Variants in WNK2 observed in about 807,000 individuals in gnomAD.
The protein encoded by WNK2 is serine/threonine-protein kinase WNK2.
A neutral mutation model predicts 192.1 loss-of-function variants in WNK2; 67 were observed. The ratio of observed to expected loss-of-function variants is 0.35; its 90% CI spans 0.29 to 0.43. The LOEUF (loss-of-function observed/expected upper bound fraction) is 0.43. Among genes scored for constraint, WNK2 ranks in the 20% least tolerant of loss-of-function variants. The pLI, the probability that WNK2 is intolerant of heterozygous loss-of-function variation, is 1.00. For missense variants in WNK2, 2,698 were observed against 3,089.7 expected (o/e 0.87, Z 3.01); for synonymous variants, 1,439 against 1,393.9 (o/e 1.03, Z -0.72).
intron 2 of WNK2, among the ~76,000 whole-genome samples, chr9:93,228,488 G>A (rs775770979): frequency 6.6e-6 from 1 of 152,140 alleles, no homozygotes; most frequent in Admixed American, 6.5e-5. Context: ...GTTTAGTTAT[G>A]TTTCTGGTTT....
rs1841962273 is a variant in WNK2 at position 93,247,675 on chromosome 9, G to A, written c.1675G>A (p.Gly559Ser). The stretch of plus-strand genomic sequence containing the variant: ...GCAGCCCAAGGAGCAGCAGGATGTG[G>A]GCAGCCCGGACAAGGCCAGGGGTCC... ...ALQPKEQQDV[G>S]SPDKARGPPV... Residue 559 changes from glycine (G) to serine (S), a missense_variant, in exon 8 of 30, where the codon GGC becomes AGC. Coordinates refer to ENST00000427277, the MANE Select transcript of WNK2 (RefSeq NM_006648.4). This position sits in a 1 kb window ranked among gnomAD's most constrained non-coding sequence, Gnocchi z 5.2. 1.3e-6 allele frequency: 2 copies of A among 1,576,094 alleles called. No individual in the cohort carries two copies. Among genetic ancestry groups the A allele is most frequent in the Non-Finnish European group, 1.7e-6 (2 of 1,161,150 alleles).
chr9:93,200,952 T>G (rs1460602912), intron 2 of WNK2, among the ~76,000 whole-genome samples: 1 of 152,112 alleles, frequency 6.6e-6, no homozygotes. Context: ...GATCTTAAGA[T>G]AGAAAGGGAC....
Position 93,257,274 on chromosome 9 carries a change from GGGGCTGGGCTGGGGAGTCC to G in WNK2, c.2382+145_2382+163del, listed in dbSNP as rs1409165206. 3.1e-6 allele frequency: 3 copies of G among 968,706 alleles called. No individual in the cohort carries two copies. The highest frequency in any genetic ancestry group is 4.5e-6 in the Non-Finnish European group (3 of 667,728). 60.0% of individuals were successfully genotyped at this position (968,706 alleles called of 1,614,324 possible). A position where few individuals can be genotyped will look rare whatever the true frequency, so the allele number is the denominator to read the frequency against. ...CTGGGGTTGGGCTGGCCAGGGAGTT[GGGGCTGGGCTGGGGAGTCC>G]GGGCTGGGCAGTGTGCACAGTCATA... On this transcript the variant is annotated intron_variant, in intron 11 of 29. Coordinates refer to ENST00000427277, the MANE Select transcript of WNK2 (RefSeq NM_006648.4). This position sits in a 1 kb window ranked among gnomAD's most constrained non-coding sequence, Gnocchi z 4.7.
intron 7 of WNK2, among the ~76,000 whole-genome samples, chr9:93,244,645 C>A (rs926101111): frequency 3.9e-5 from 6 of 152,108 alleles, no homozygotes; most frequent in Admixed American, 1.3e-4. Context: ...TGGGGCCACG[C>A]CCTGGATATG....
rs371738304 is a variant in WNK2, at chr9:93,268,685, C to T, written c.3972C>T (p.Pro1324=). The T allele has an allele frequency of 2.9e-5, 47 of 1,613,528 alleles. No individual in the cohort carries two copies. The highest frequency in any genetic ancestry group is 3.3e-4 in the Middle Eastern group (2 of 6,058). Residue 1324 remains proline, a synonymous_variant, in exon 19 of 30, where the codon CCC becomes CCT. Transcript: ENST00000427277. ...IICPVAEHPA[P]EAPESSPPLP... is the part of the protein sequence containing the mutation. ...GTCCGGTGGCTGAGCACCCCGCCCC[C>T]GAGGCCCCTGAATCTTCGCCCCCAC...
intron 7 of WNK2, among the ~76,000 whole-genome samples, chr9:93,241,596 G>A (rs1050915360): frequency 2.6e-5 from 4 of 152,026 alleles, no homozygotes; most frequent in Non-Finnish European, 4.4e-5. Flanking sequence ...AGGTGGGAGG[G>A]GCGGCTGCTC....
intron 7 of WNK2, among the ~76,000 whole-genome samples, chr9:93,243,253 C>T (rs1441451718): frequency 6.6e-6 from 1 of 152,220 alleles, no homozygotes; most frequent in Non-Finnish European, 1.5e-5. Context: ...CCTCCCAAGA[C>T]TGCGACTCCT....
In WNK2 at chr9:93,257,269, G is replaced by T; in HGVS notation, c.2382+130G>T. ...GTGACCTGGGGTTGGGCTGGCCAGG[G>T]AGTTGGGGCTGGGCTGGGGAGTCCG... On this transcript the variant is annotated intron_variant, in intron 11 of 29. Coordinates refer to ENST00000427277, the MANE Select transcript of WNK2 (RefSeq NM_006648.4). This position sits in a 1 kb window ranked among gnomAD's most constrained non-coding sequence, Gnocchi z 4.7. 9.8e-7 allele frequency: 1 copy of T among 1,018,250 alleles called. No homozygotes were observed. The highest frequency in any genetic ancestry group is 1.6e-5 in the South Asian group (1 of 63,436). 63.1% of individuals were successfully genotyped at this position (1,018,250 alleles called of 1,614,324 possible).
intron 19 of WNK2, among the ~76,000 whole-genome samples, chr9:93,274,515 C>CAAAAAAAGAAAAAAAAAAAA (rs1564146364): frequency 8.4e-6 from 1 of 118,400 alleles, no homozygotes; most frequent in South Asian, 2.6e-4. Flanking sequence ...CCGTCTCAAC[C>CAAAAAAAGAAAAAAAAAAAA]AAAAAAAAAA....
intron 19 of WNK2, among the ~76,000 whole-genome samples, chr9:93,279,473 C>T (rs1931366): frequency 0.88 from 133,473 of 152,202 alleles, 59,704 homozygotes; most frequent in East Asian, 1. Flanking sequence ...GGTCAGAAGA[C>T]ACAGTATTGT....
Position 93,217,012 on chromosome 9 carries a change from G to C in WNK2, c.682-12684G>C, listed in dbSNP as rs183248294. On this transcript the variant is annotated intron_variant, in intron 2 of 29. Transcript: ENST00000427277. ...TCTTGCTCTGTTGCCAGGCTGGAGT[G>C]CAGTGGCGAGATCTCGGCTCACTGC... Among the ~76,000 whole-genome samples the C allele has an allele frequency of 4.9e-3, 744 of 151,660 alleles. 3 individuals are homozygous for C. Among genetic ancestry groups the C allele is most frequent in the East Asian group, 0.025 (131 of 5,138 alleles).
intron 29 of WNK2, chr9:93,317,838 C>A: frequency 6.6e-7 from 1 of 1,510,946 alleles, no homozygotes; most frequent in Middle Eastern, 1.8e-4. Context: ...CCCCCGGCTG[C>A]GGATCACGTA....
chr9:93,290,612 C>T (rs1264205340), intron 21 of WNK2, among the ~76,000 whole-genome samples: 1 of 152,214 alleles, frequency 6.6e-6, no homozygotes, highest in African/African-American at 2.4e-5. Flanking sequence ...TGAGGGTCTG[C>T]ACACGTTCCG....
intron 5 of WNK2, among the ~76,000 whole-genome samples, chr9:93,236,707 C>T (rs1053811556): frequency 1.3e-5 from 2 of 152,144 alleles, no homozygotes; most frequent in Non-Finnish European, 2.9e-5. Flanking sequence ...AGGCTGCCAC[C>T]CGCACCCCCC....
At chr9:93,204,945 T>C (rs1833104641) in intron 2 of WNK2, among the ~76,000 whole-genome samples, 1 of 152,124 alleles carries the variant, frequency 6.6e-6, no homozygotes, top group Non-Finnish European at 1.5e-5. Flanking sequence ...GCTGAAGAGC[T>C]CATCATGCTG....
At chr9:93,245,231 GA>G (rs1841483394) in intron 7 of WNK2, among the ~76,000 whole-genome samples, 1 of 152,196 alleles carries the variant, frequency 6.6e-6, no homozygotes, top group Admixed American at 6.5e-5. Flanking sequence ...TGATTCCCCT[GA>G]AGCCCTGAAT....
At position 93,292,601 on chromosome 9, in the gene WNK2, G is replaced by T; in HGVS notation, c.5136G>T (p.Gly1712=). 6 of 1,581,010 alleles carry T rather than the reference G, an allele frequency of 3.8e-6. No homozygotes were observed. Among genetic ancestry groups the T allele is most frequent in the Non-Finnish European group, 4.3e-6 (5 of 1,161,970 alleles). Residue 1712 remains glycine (G), a synonymous_variant, in exon 23 of 30, where the codon GGG becomes GGT. Transcript: ENST00000427277. ...EPPPSDMGTV[G]GQASHPQTLG... ...CGCCGAGTGACATGGGCACAGTGGGGGGCCAGGCTAGCCACCCCCAGACAC... is the reference window on the plus strand; with the variant it reads ...CGCCGAGTGACATGGGCACAGTGGGTGGCCAGGCTAGCCACCCCCAGACAC...
At chr9:93,238,399 C>T (rs767199714) in intron 6 of WNK2, 78 bp downstream of exon 6, 43 of 1,381,974 alleles carry the variant, frequency 3.1e-5, no homozygotes, top group Non-Finnish European at 3.7e-5. Context: ...GAGCTGTGTT[C>T]TTGATGAGGG....
chr9:93,296,163 C>G (rs1201627955), intron 23 of WNK2, among the ~76,000 whole-genome samples: 1 of 68,442 alleles, frequency 1.5e-5, no homozygotes, highest in African/African-American at 6.4e-5. Context: ...TCACCACCCT[C>G]CCCTCACCAT....
Sources: gnomAD v4.1 joint callset for allele counts (sites outside exome capture counted in the v4.1 genomes callset) on GRCh38, gnomAD v4.1.1 for gene constraint, Gnocchi (gnomAD v3.1) non-coding constraint, MANE v1.5 for transcripts, NCBI Gene and HGNC (gene_info 2026-07-23, HGNC 2026-07-21) for gene names.